KPNA7: variants seen among roughly 807,000 people sequenced by gnomAD.
The protein encoded by KPNA7 is karyopherin subunit alpha 7.
Under a neutral mutation model 53.7 loss-of-function variants are expected in KPNA7, and 54 were observed. That is an observed-to-expected ratio of 1.01 (90% CI 0.81 to 1.26). The LOEUF is 1.26. Among genes scored for constraint, KPNA7 ranks in the 50% most tolerant of loss-of-function variants. The pLI is 0.00. For synonymous variants in KPNA7, 276 were observed against 259.3 expected (o/e 1.06, Z -0.62); for missense variants, 640 against 644.5 (o/e 0.99, Z 0.07).
At chr7:99,167,981 T>TCCCCCCCCCCCC in the KPNA7 span, among the ~76,000 whole-genome samples, 18 of 137,526 alleles carry the variant, frequency 1.3e-4, no homozygotes, top group Non-Finnish European at 1.8e-4. Flanking sequence ...CCCAAACCAT[T>TCCCCCCCCCCCC]CCCCCACCCC....
chr7:99,153,053 A>G, the KPNA7 span, among the ~76,000 whole-genome samples: 1 of 152,178 alleles, frequency 6.6e-6, no homozygotes, highest in African/African-American at 2.4e-5. Context: ...TGGTCTTAGG[A>G]GAATGCTTAC....
chr7:99,178,801 A>T (rs1432742139), intron 9 of KPNA7, among the ~76,000 whole-genome samples: 35 of 120,506 alleles, frequency 2.9e-4, no homozygotes, highest in African/African-American at 1.1e-3. Context: ...AAAAAAAAAA[A>T]AAAAAGAGTC....
chr7:99,188,131 T>C (rs1284379084), intron 7 of KPNA7, among the ~76,000 whole-genome samples, 169 bp downstream of exon 7: 5 of 127,198 alleles, frequency 3.9e-5, no homozygotes, highest in Admixed American at 1.0e-4. Context: ...GCTGAGATTG[T>C]GCCACTGCAT....
chr7:99,207,325 G>A (rs548484361), intron 2 of KPNA7, 76 bp downstream of exon 2: 246 of 1,242,964 alleles, frequency 2.0e-4, no homozygotes, highest in Non-Finnish European at 2.4e-4. Flanking sequence ...GAGCCACCGC[G>A]CCTGGTCTCT....
intron 7 of KPNA7, among the ~76,000 whole-genome samples, chr7:99,188,035 C>T (rs117552805): frequency 0.014 from 2,070 of 151,022 alleles, 25 homozygotes; most frequent in Admixed American, 0.022. Flanking sequence ...ATGAGCCGGG[C>T]GTGGTCGTTG....
At chr7:99,177,110 AAT>A (rs1245990040) in intron 10 of KPNA7, among the ~76,000 whole-genome samples, 3 of 152,202 alleles carry the variant, frequency 2.0e-5, no homozygotes, top group African/African-American at 7.2e-5. Context: ...GCCAAGAGGA[AAT>A]ATATCAGTCA....
intron 7 of KPNA7, 109 bp from the exon 8 acceptor site, chr7:99,185,271 G>T: frequency 1.4e-6 from 1 of 736,034 alleles, no homozygotes; most frequent in South Asian, 1.6e-5. Flanking sequence ...ATAGCCGATG[G>T]TTGTCTGACA....
In KPNA7 at chr7:99,182,067, T is replaced by C. The variant is rs1584270076; in HGVS notation, c.1135-2A>G. 1 of 1,527,588 alleles carries C rather than the reference T, an allele frequency of 6.5e-7. No individual in the cohort carries two copies. Among genetic ancestry groups the C allele is most frequent in the Non-Finnish European group, 8.8e-7 (1 of 1,130,810 alleles). 94.6% of individuals were successfully genotyped at this position (1,527,588 alleles called of 1,614,324 possible). A position where few individuals can be genotyped will look rare whatever the true frequency, so the allele number is the denominator to read the frequency against. On this transcript the variant is annotated splice_acceptor_variant, in intron 8 of 10. Coordinates refer to ENST00000327442, the MANE Select transcript of KPNA7 (RefSeq NM_001145715.3). LOFTEE classifies it high-confidence loss of function. The stretch of plus-strand genomic sequence containing the variant: ...CTCTTTCTGGACTTTAAATTCTCCC[T>C]GCAGAACAAGAATGTTTCCATTCTC...
chr7:99,161,862 G>A, the KPNA7 span, among the ~76,000 whole-genome samples: 1 of 152,010 alleles, frequency 6.6e-6, no homozygotes, highest in Non-Finnish European at 1.5e-5. Context: ...CCAGGCTTAG[G>A]CTATTTAGAA....
upstream of KPNA7, among the ~76,000 whole-genome samples, chr7:99,211,582 AAC>A (rs1791073130): frequency 1.5e-5 from 2 of 134,276 alleles, no homozygotes; most frequent in Admixed American, 1.5e-4. Flanking sequence ...GAGATAGAAC[AAC>A]AGAGTTAGTA....
At position 99,195,254 on chromosome 7, in the gene KPNA7, C is replaced by T; in HGVS notation, c.369G>A (p.Lys123=). 6.4e-7 allele frequency: 1 copy of T among 1,551,650 alleles called. No individual in the cohort carries two copies. Reference sequence around the variant, plus strand: ...ACTGCAAGCAGGGGTAAAGTGATGACTTCAGGAACTCCACCATCCTGGGAA... The same window carrying T: ...ACTGCAAGCAGGGGTAAAGTGATGATTTCAGGAACTCCACCATCCTGGGAA... ...GLIPRMVEFL[K]SSLYPCLQFE... is the part of the protein sequence containing the mutation. The change falls in exon 5 of 11, where the codon AAG becomes AAA. Residue 123 remains lysine (K), a synonymous_variant. Coordinates refer to ENST00000327442, the MANE Select transcript of KPNA7 (RefSeq NM_001145715.3).
chr7:99,184,835 T>C, intron 8 of KPNA7, 94 bp downstream of exon 8: 1 of 1,034,466 alleles, frequency 9.7e-7, no homozygotes, highest in Non-Finnish European at 1.5e-6. Flanking sequence ...TGATCTCAAT[T>C]TGCTTCTGCA....
chr7:99,212,214 T>C (rs1486327752), upstream of KPNA7, among the ~76,000 whole-genome samples: 2 of 145,032 alleles, frequency 1.4e-5, no homozygotes, highest in African/African-American at 5.0e-5. Flanking sequence ...GAAACACTGG[T>C]GTCCGATCCA....
chr7:99,192,822 C>G (rs1241615010), intron 6 of KPNA7, among the ~76,000 whole-genome samples, 197 bp downstream of exon 6: 1 of 152,088 alleles, frequency 6.6e-6, no homozygotes, highest in East Asian at 1.9e-4. Context: ...TAACGAGGTT[C>G]TCTCTCATTT....
chr7:99,182,161 C>CTCCCT, intron 8 of KPNA7, 96 bp from the exon 9 acceptor site: 1 of 890,834 alleles, frequency 1.1e-6, no homozygotes, highest in Non-Finnish European at 1.7e-6. Flanking sequence ...TGGTGACAGC[C>CTCCCT]AGGACTGCAT....
the KPNA7 span, among the ~76,000 whole-genome samples, chr7:99,167,095 G>A: frequency 2.0e-5 from 3 of 152,144 alleles, no homozygotes; most frequent in Non-Finnish European, 2.9e-5. Flanking sequence ...CTGATATGAC[G>A]CTCTCCAACC....
chr7:99,153,592 T>C, the KPNA7 span, among the ~76,000 whole-genome samples: 1 of 151,464 alleles, frequency 6.6e-6, no homozygotes, highest in Non-Finnish European at 1.5e-5. Context: ...TGAGCAAACC[T>C]GCAAGTGTCC....
downstream of KPNA7, among the ~76,000 whole-genome samples, chr7:99,169,534 C>T (rs1272783848): frequency 1.3e-5 from 2 of 151,802 alleles, no homozygotes; most frequent in East Asian, 3.9e-4. Context: ...AGGAGAATCG[C>T]TTGAACCTGG....
the KPNA7 span, among the ~76,000 whole-genome samples, chr7:99,163,383 AT>A: frequency 5.0e-3 from 204 of 40,768 alleles, 1 homozygote; most frequent in Middle Eastern, 0.022. Flanking sequence ...ATATATATAT[AT>A]TTTTTTTTTT....
Sources: allele counts gnomAD v4.1 joint callset (sites outside exome capture counted in the v4.1 genomes callset), GRCh38; gene constraint gnomAD v4.1.1; transcripts MANE v1.5; gene names NCBI Gene and HGNC (gene_info 2026-07-23, HGNC 2026-07-21).